Variants in BACH2 observed in about 807,000 individuals in gnomAD.
BACH2 encodes transcription regulator protein BACH2.
A neutral mutation model predicts 61.8 loss-of-function variants in BACH2; 5 were observed. The ratio of observed to expected loss-of-function variants is 0.08; its 90% CI spans 0.04 to 0.17. BACH2 has a LOEUF of 0.17. Ranked by LOEUF, BACH2 falls within the 10% of genes least tolerant of loss-of-function variation. The probability of loss-of-function intolerance (pLI) is 1.00; values close to 1 mark genes in which losing one functional copy is unlikely to be tolerated. For synonymous variants in BACH2, 446 were observed against 440.1 expected, an observed-to-expected ratio of 1.01 and a Z score of -0.17; for missense variants, 824 against 1,091.1, an observed-to-expected ratio of 0.76 and a Z score of 3.45.
intron 4 of BACH2, among the ~76,000 whole-genome samples, chr6:90,134,251 ATC>A (rs1166688258): frequency 6.6e-6 from 1 of 152,180 alleles, no homozygotes; most frequent in Non-Finnish European, 1.5e-5. Flanking sequence ...GTGAGATGGT[ATC>A]TCATTGTGGT....
At chr6:90,261,464 T>C (rs1771155265) in intron 2 of BACH2, among the ~76,000 whole-genome samples, 1 of 152,170 alleles carries the variant, frequency 6.6e-6, no homozygotes, top group African/African-American at 2.4e-5. Flanking sequence ...AACCATCTCA[T>C]TTCTTATTTT....
chr6:90,058,461 G>A (rs901652685), intron 5 of BACH2, among the ~76,000 whole-genome samples: 1 of 152,150 alleles, frequency 6.6e-6, no homozygotes, highest in Non-Finnish European at 1.5e-5. Flanking sequence ...CCACTGCTCA[G>A]TGAAATAAAA....
At chr6:90,166,187 A>T (rs936691505) in intron 4 of BACH2, among the ~76,000 whole-genome samples, 1 of 152,224 alleles carries the variant, frequency 6.6e-6, no homozygotes, top group Non-Finnish European at 1.5e-5. Context: ...TCCAGAATCT[A>T]CAAAGAACTC....
intron 4 of BACH2, among the ~76,000 whole-genome samples, chr6:90,095,075 G>C (rs2127809490): frequency 6.6e-6 from 1 of 152,224 alleles, no homozygotes; most frequent in East Asian, 1.9e-4. Context: ...TGACAGCTTT[G>C]GTAACAAACA....
At chr6:90,292,997 C>A (rs1384505056) in intron 1 of BACH2, among the ~76,000 whole-genome samples, 1 of 152,172 alleles carries the variant, frequency 6.6e-6, no homozygotes, top group Non-Finnish European at 1.5e-5. Flanking sequence ...CTGCTCCTCA[C>A]CAGAACCAGG....
chr6:90,033,760 C>CTTAAAAAAAAA lies in BACH2; in HGVS notation c.-12-24915_-12-24905dup, dbSNP rs1315268811. Among the ~76,000 whole-genome samples, 10 of 152,168 alleles carry CTTAAAAAAAAA rather than the reference C, an allele frequency of 6.6e-5. No individual in the cohort carries two copies. In the East Asian group the frequency reaches 1.9e-3, roughly 29 times the overall value. ...GAAAACCAGAAAGGAGCATCACCTTCTTAAAAAAAAATCAAAATGGCACAG... is the reference window on the plus strand; with the variant it reads ...GAAAACCAGAAAGGAGCATCACCTTCTTAAAAAAAAATTAAAAAAAAATCAAAATGGCACAG... On this transcript the variant is annotated intron_variant, in intron 5 of 8. Transcript: ENST00000257749.
chr6:90,081,206 T>C (rs1012157357), intron 5 of BACH2, among the ~76,000 whole-genome samples: 2 of 152,284 alleles, frequency 1.3e-5, no homozygotes, highest in South Asian at 2.1e-4. Context: ...GTTCATCTAA[T>C]GGGAAATTCA....
At chr6:90,168,570 C>T (rs1421592443) in intron 4 of BACH2, among the ~76,000 whole-genome samples, 2 of 152,098 alleles carry the variant, frequency 1.3e-5, no homozygotes, top group Admixed American at 6.6e-5. Context: ...ATTAGAGGTT[C>T]CCAAATGATT....
At chr6:90,116,011 T>C (rs2127817919) in intron 4 of BACH2, among the ~76,000 whole-genome samples, 1 of 152,188 alleles carries the variant, frequency 6.6e-6, no homozygotes, top group Non-Finnish European at 1.5e-5. Context: ...GTCAATAACA[T>C]TCTGGCAAAG....
At chr6:90,274,314 A>C (rs1363429876) in intron 1 of BACH2, among the ~76,000 whole-genome samples, 1 of 152,216 alleles carries the variant, frequency 6.6e-6, no homozygotes. Flanking sequence ...TTTTTACAAA[A>C]CCCAGAAAGT....
At chr6:90,126,220 A>G (rs1783844236) in intron 4 of BACH2, among the ~76,000 whole-genome samples, 1 of 152,244 alleles carries the variant, frequency 6.6e-6, no homozygotes, top group South Asian at 2.1e-4. Flanking sequence ...CACAAAGCAC[A>G]TATACCTTAA....
In BACH2 at chr6:89,974,034, T is replaced by C. The variant is rs549078814; in HGVS notation, c.244-22172A>G. Among the ~76,000 whole-genome samples the C allele has an allele frequency of 3.9e-5, 6 of 152,280 alleles. No homozygotes were observed. The South Asian group carries it at 1.2e-3, about 32-fold the overall frequency. ...TGACTTCTGTGTGGTACAGAGAAAC[T>C]TGAACTAGAGCTGGAGATACTCACT... On this transcript the variant is annotated intron_variant, in intron 6 of 8. Transcript: ENST00000257749.
chr6:90,271,897 G>T lies in BACH2; in HGVS notation c.-401C>A, dbSNP rs1461538444. 2.6e-5 allele frequency: 4 copies of T among 152,374 alleles called. No homozygotes were observed. The highest frequency in any genetic ancestry group is 9.6e-5 in the African/African-American group (4 of 41,452). 9.4% of individuals were successfully genotyped at this position (152,374 alleles called of 1,614,324 possible). A position where few individuals can be genotyped will look rare whatever the true frequency, so the allele number is the denominator to read the frequency against. ...AGCTTGGTCCCAAATGATGTCTTCA[G>T]TAGGTGGCGAAATGTTAAAACTGGG... On this transcript the variant is annotated 5_prime_UTR_variant, in exon 2 of 9. In the 5' UTR this introduces an upstream ATG that the reference lacks. Coordinates refer to ENST00000257749, the MANE Select transcript of BACH2 (RefSeq NM_021813.4).
rs145901136 is a variant in BACH2, at chr6:90,139,931, T to C, written c.-161-50822A>G. ...TCCCCAAATCAGGGCTTAAATAACA[T>C]GGAAGTTTATTTTTCTCATGTAAAA... is the stretch of plus-strand genomic sequence containing the variant. On this transcript the variant is annotated intron_variant, in intron 4 of 8. Coordinates refer to ENST00000257749, the MANE Select transcript of BACH2 (RefSeq NM_021813.4). Among the ~76,000 whole-genome samples the C allele has an allele frequency of 2.9e-3, 437 of 152,294 alleles. 2 individuals carry two copies. The highest frequency in any genetic ancestry group is 4.8e-3 in the Non-Finnish European group (324 of 68,018).
chr6:90,262,290 TG>T (rs1209773075), intron 2 of BACH2, among the ~76,000 whole-genome samples: 1 of 152,226 alleles, frequency 6.6e-6, no homozygotes, highest in Non-Finnish European at 1.5e-5. Context: ...CTGCCCTAAC[TG>T]GGGGAATCTA....
chr6:90,283,116 T>C (rs534922309), intron 1 of BACH2, among the ~76,000 whole-genome samples: 30 of 152,336 alleles, frequency 2.0e-4, no homozygotes, highest in African/African-American at 6.7e-4. Context: ...AAGCTGAGCA[T>C]CTTTTTATAT....
intron 4 of BACH2, among the ~76,000 whole-genome samples, chr6:90,172,190 C>T (rs980561307): frequency 9.2e-5 from 14 of 151,704 alleles, no homozygotes; most frequent in African/African-American, 3.4e-4. Flanking sequence ...CCTGTAATCC[C>T]AGCTACTCGG....
intron 6 of BACH2, among the ~76,000 whole-genome samples, chr6:90,000,055 A>G (rs1242333074): frequency 1.3e-5 from 2 of 152,216 alleles, no homozygotes; most frequent in African/African-American, 4.8e-5. Context: ...TGGCCTCAGG[A>G]TTTAAAAAAT....
At chr6:90,015,392 T>C (rs931614240) in intron 5 of BACH2, among the ~76,000 whole-genome samples, 1 of 152,202 alleles carries the variant, frequency 6.6e-6, no homozygotes, top group African/African-American at 2.4e-5. Flanking sequence ...GAGATCTTTT[T>C]TGTCTTTTCT....
Sources: allele counts gnomAD v4.1 joint callset (sites outside exome capture counted in the v4.1 genomes callset), GRCh38; gene constraint gnomAD v4.1.1; transcripts MANE v1.5; gene names NCBI Gene and HGNC (gene_info 2026-07-23, HGNC 2026-07-21).